Variants in RAPGEF1 observed in about 807,000 individuals in gnomAD.
RAPGEF1 encodes Rap guanine nucleotide exchange factor 1, also known as CRK SH3-binding GNRP.
RAPGEF1 carries 33 observed loss-of-function variants against 143.3 expected under a neutral mutation model. That is an observed-to-expected ratio of 0.23 (90% confidence interval 0.17 to 0.31). The LOEUF is 0.31. Ranked by LOEUF, RAPGEF1 falls within the 10% of genes least tolerant of loss-of-function variation. The pLI, the probability that RAPGEF1 is intolerant of heterozygous loss-of-function variation, is 1.00. For synonymous variants in RAPGEF1, 629 were observed against 676.5 expected (o/e 0.93, Z 1.09); for missense variants, 1,199 against 1,645.4 (o/e 0.73, Z 4.69).
intron 25 of RAPGEF1, among the ~76,000 whole-genome samples, chr9:131,581,321 GA>G (rs1053090103): frequency 3.9e-5 from 6 of 152,110 alleles, no homozygotes; most frequent in Non-Finnish European, 8.8e-5. Flanking sequence ...TTGAGCCCAG[GA>G]GTTCAAGGCT....
At chr9:131,615,409 C>T (rs1391554387) in intron 12 of RAPGEF1, among the ~76,000 whole-genome samples, 1 of 152,186 alleles carries the variant, frequency 6.6e-6, no homozygotes, top group Non-Finnish European at 1.5e-5. Context: ...AACCCTGCAG[C>T]ACCGGCAGGG....
intron 1 of RAPGEF1, among the ~76,000 whole-genome samples, chr9:131,670,911 A>G (rs1228997672): frequency 2.0e-5 from 3 of 152,228 alleles, no homozygotes. Context: ...GCAGTCTGTG[A>G]TCAGTTACAA....
In RAPGEF1 at chr9:131,641,594, C is replaced by T. The variant is rs1381772177; in HGVS notation, c.494+1645G>A. Reference sequence around the variant, plus strand: ...AGGGAGCTGATTTGTTTCAACTAGGCTTTAACTATTCCAAGGCAGAGACTA... The same window carrying T: ...AGGGAGCTGATTTGTTTCAACTAGGTTTTAACTATTCCAAGGCAGAGACTA... On this transcript the variant is annotated intron_variant, in intron 4 of 26. Transcript: ENST00000683357. The surrounding 1 kb of genome is among the most constrained non-coding windows in gnomAD (Gnocchi z 4.6). 6.6e-6 allele frequency among the ~76,000 whole-genome samples: 1 copy of T among 152,228 alleles called. No individual in the cohort carries two copies. The highest frequency in any genetic ancestry group is 2.4e-5 in the African/African-American group (1 of 41,464).
chr9:131,596,477 C>T, intron 16 of RAPGEF1, 104 bp from the exon 17 acceptor site: 3 of 1,121,598 alleles, frequency 2.7e-6, no homozygotes, highest in Non-Finnish European at 4.0e-6. Context: ...GCCCTGCAAC[C>T]CCAAGTCCCC....
intron 1 of RAPGEF1, among the ~76,000 whole-genome samples, chr9:131,699,721 C>T (rs1165372804): frequency 6.6e-6 from 1 of 152,118 alleles, no homozygotes; most frequent in African/African-American, 2.4e-5. Context: ...CTCCTGCTTT[C>T]CCCCTACCTT....
chr9:131,581,415 G>A (rs4740285), intron 25 of RAPGEF1, among the ~76,000 whole-genome samples: 23,702 of 151,438 alleles, frequency 0.16, 2,709 homozygotes, highest in East Asian at 0.43. Context: ...CTGGCTGGGT[G>A]TGGTGACTCC....
chr9:131,730,520 C>A (rs1331880904), intron 1 of RAPGEF1, among the ~76,000 whole-genome samples: 2 of 151,440 alleles, frequency 1.3e-5, no homozygotes, highest in African/African-American at 2.4e-5. Flanking sequence ...CATGGTGAAA[C>A]CCCATCTCTA....
intron 12 of RAPGEF1, 129 bp from the exon 13 acceptor site, chr9:131,605,317 A>T (rs1161688806): frequency 1.2e-6 from 1 of 836,940 alleles, no homozygotes; most frequent in Non-Finnish European, 1.6e-6. Flanking sequence ...GCCACCAATC[A>T]CGCCAAGCAA....
At chr9:131,703,142 G>A (rs186149590) in intron 1 of RAPGEF1, among the ~76,000 whole-genome samples, 56 of 152,248 alleles carry the variant, frequency 3.7e-4, no homozygotes, top group Admixed American at 2.9e-3. Flanking sequence ...CACTGCATGC[G>A]TGCCACCACG....
At chr9:131,680,244 C>A (rs149759289) in intron 1 of RAPGEF1, among the ~76,000 whole-genome samples, 31 of 152,310 alleles carry the variant, frequency 2.0e-4, no homozygotes, top group African/African-American at 7.2e-4. Flanking sequence ...CATTGTCTTA[C>A]CACTTTTTTC....
At chr9:131,608,606 G>A (rs1957493241) in intron 12 of RAPGEF1, among the ~76,000 whole-genome samples, 1 of 152,186 alleles carries the variant, frequency 6.6e-6, no homozygotes, top group Admixed American at 6.5e-5. Context: ...GGCCTGCTCT[G>A]CCTCTGCCTC....
chr9:131,712,103 C>T lies in RAPGEF1; in HGVS notation c.61+27667G>A, dbSNP rs548900550. On this transcript the variant is annotated intron_variant, in intron 1 of 26. Coordinates refer to ENST00000683357, the MANE Select transcript of RAPGEF1 (RefSeq NM_001377935.1). Reference sequence around the variant, plus strand: ...AGCAAATGGCATGTGTCTGTCGCACCGTCTCCAATGAGGTGGCAGGAAAGA... The same window carrying T: ...AGCAAATGGCATGTGTCTGTCGCACTGTCTCCAATGAGGTGGCAGGAAAGA... Among the ~76,000 whole-genome samples the T allele has an allele frequency of 4.6e-5, 7 of 152,260 alleles. No individual in the cohort carries two copies. In the South Asian group the frequency reaches 8.3e-4, roughly 18 times the overall value.
chr9:131,739,176 A>G (rs919633655), intron 1 of RAPGEF1, among the ~76,000 whole-genome samples: 2 of 152,188 alleles, frequency 1.3e-5, no homozygotes, highest in Non-Finnish European at 2.9e-5. Flanking sequence ...GTCTGCATCA[A>G]GATTTACCAT....
chr9:131,674,794 T>TC (rs1431458456), intron 1 of RAPGEF1, among the ~76,000 whole-genome samples: 3 of 152,060 alleles, frequency 2.0e-5, no homozygotes, highest in Non-Finnish European at 4.4e-5. Flanking sequence ...CTCTGTCCTG[T>TC]CCCCTACTCC....
chr9:131,643,973 T>C (rs1215731177), intron 3 of RAPGEF1, among the ~76,000 whole-genome samples: 1 of 152,124 alleles, frequency 6.6e-6, no homozygotes. Context: ...TGATATGCTA[T>C]TCCTCAAGGG....
At position 131,650,038 on chromosome 9, in the gene RAPGEF1, G is replaced by T; in HGVS notation, c.315+91C>A. 1 of 1,016,184 alleles carries T rather than the reference G, an allele frequency of 9.8e-7. No individual in the cohort carries two copies. Among genetic ancestry groups the T allele is most frequent in the Non-Finnish European group, 1.5e-6 (1 of 681,544 alleles). The allele number at this position is 1,016,184 out of a possible 1,614,324, so 62.9% of individuals were successfully genotyped here. A position where few individuals can be genotyped will look rare whatever the true frequency, so the allele number is the denominator to read the frequency against. ...CCACCCAGTTGAACATAATAATAGT[G>T]CAATAGAGTTTTTTCCATCCCCAAA... is the stretch of plus-strand genomic sequence containing the variant. On this transcript the variant is annotated intron_variant, in intron 3 of 26. Coordinates refer to ENST00000683357, the MANE Select transcript of RAPGEF1 (RefSeq NM_001377935.1). The surrounding 1 kb of genome is among the most constrained non-coding windows in gnomAD (Gnocchi z 4.7).
intron 1 of RAPGEF1, among the ~76,000 whole-genome samples, chr9:131,674,884 C>T (rs1003542881): frequency 5.3e-5 from 8 of 152,130 alleles, no homozygotes; most frequent in Non-Finnish European, 5.9e-5. Flanking sequence ...ACAAGTGCTA[C>T]ACAAGTGAGG....
chr9:131,650,088 G>A lies in RAPGEF1; in HGVS notation c.315+41C>T, dbSNP rs927561681. ...AACCATGGACCAGGATTCTGCAGTA[G>A]AAGGCAAGGCAAACCCAATTGTTCT... On this transcript the variant is annotated intron_variant, in intron 3 of 26. Transcript: ENST00000683357. This position sits in a 1 kb window ranked among gnomAD's most constrained non-coding sequence, Gnocchi z 4.7. 15 of 1,506,400 alleles carry A rather than the reference G, an allele frequency of 1.0e-5. No homozygotes were observed. Among genetic ancestry groups the A allele is most frequent in the Non-Finnish European group, 1.3e-5 (14 of 1,090,746 alleles). 93.3% of individuals were successfully genotyped at this position (1,506,400 alleles called of 1,614,324 possible). A position where few individuals can be genotyped will look rare whatever the true frequency, so the allele number is the denominator to read the frequency against.
intron 1 of RAPGEF1, chr9:131,737,606 TG>T: frequency 6.8e-7 from 1 of 1,473,118 alleles, no homozygotes. Flanking sequence ...AGAACTCAAA[TG>T]AAGAGTCATT....
Sources: allele counts gnomAD v4.1 joint callset (sites outside exome capture counted in the v4.1 genomes callset), GRCh38; gene constraint gnomAD v4.1.1; non-coding constraint Gnocchi (gnomAD v3.1); transcripts MANE v1.5; gene names NCBI Gene and HGNC (gene_info 2026-07-23, HGNC 2026-07-21).